The following GRIK4 variants were observed in gnomAD, a reference collection of about 807,000 sequenced individuals.
GRIK4 encodes glutamate ionotropic receptor kainate type subunit 4, also known as glutamate receptor ionotropic, kainate 4.
In GRIK4, 40 loss-of-function variants were observed where a neutral mutation model predicts 104.9. The ratio of observed to expected loss-of-function variants is 0.38; its 90% CI spans 0.30 to 0.50. The LOEUF (loss-of-function observed/expected upper bound fraction) is 0.50, where lower values mean the gene tolerates loss of function less well. Ranked by LOEUF, GRIK4 falls within the 20% of genes least tolerant of loss-of-function variation. The probability of loss-of-function intolerance (pLI) is 0.93; values close to 1 mark genes in which losing one functional copy is unlikely to be tolerated. For missense variants in GRIK4, 1,047 were observed against 1,308.1 expected (o/e 0.80, Z 3.08); for synonymous variants, 485 against 524.9 (o/e 0.92, Z 1.04).
At chr11:120,887,233 C>G (rs1955146716) in intron 11 of GRIK4, among the ~76,000 whole-genome samples, 1 of 152,166 alleles carries the variant, frequency 6.6e-6, no homozygotes, top group Non-Finnish European at 1.5e-5. Context: ...TTCCTTGTAT[C>G]CCTCACATCA....
At position 120,903,278 on chromosome 11, in the gene GRIK4, G is replaced by C. The variant is rs1303378765; in HGVS notation, c.1273-2012G>C. On this transcript the variant is annotated intron_variant, in intron 12 of 20. Transcript: ENST00000527524. The surrounding 1 kb of genome is among the most constrained non-coding windows in gnomAD (Gnocchi z 4.4). ...TAATCCCTGAGCCCAGCTCTCCTCT[G>C]TCCCTGTCGCATCCCCTGAGCGGCT... 6.6e-6 allele frequency among the ~76,000 whole-genome samples: 1 copy of C among 152,020 alleles called. No individual in the cohort carries two copies. The highest frequency in any genetic ancestry group is 1.9e-4 in the East Asian group (1 of 5,186).
intron 19 of GRIK4, among the ~76,000 whole-genome samples, chr11:120,976,506 T>C (rs1033923951): frequency 1.6e-4 from 25 of 152,206 alleles, no homozygotes; most frequent in African/African-American, 6.0e-4. Flanking sequence ...TCCCTGGAGA[T>C]CGGACTATTT....
intron 3 of GRIK4, among the ~76,000 whole-genome samples, chr11:120,764,359 C>G (rs745488525): frequency 1.3e-4 from 20 of 152,262 alleles, no homozygotes; most frequent in Non-Finnish European, 2.8e-4. Flanking sequence ...GATGGGTCTC[C>G]TGAATACAGC....
chr11:120,537,316 C>G (rs1425873728), intron 1 of GRIK4, among the ~76,000 whole-genome samples: 4 of 152,222 alleles, frequency 2.6e-5, no homozygotes, highest in Middle Eastern at 3.4e-3. Flanking sequence ...AGCATGAGAG[C>G]CTTGGGGTTG....
At chr11:120,807,617 C>T (rs773513230) in intron 4 of GRIK4, among the ~76,000 whole-genome samples, 3 of 152,152 alleles carry the variant, frequency 2.0e-5, no homozygotes, top group Non-Finnish European at 4.4e-5. Flanking sequence ...GGGCTAGCAT[C>T]CCTCCTTCAG....
At chr11:120,804,864 G>A (rs1016175851) in intron 4 of GRIK4, among the ~76,000 whole-genome samples, 2 of 152,146 alleles carry the variant, frequency 1.3e-5, no homozygotes, top group African/African-American at 4.8e-5. Flanking sequence ...TGGAGAGAGG[G>A]TCTACTCCCA....
At chr11:120,846,438 GGGAGTTT>G (rs759873956) in intron 8 of GRIK4, among the ~76,000 whole-genome samples, 3 of 152,182 alleles carry the variant, frequency 2.0e-5, no homozygotes, top group Non-Finnish European at 4.4e-5. Context: ...GTTCTTCTTT[GGGAGTTT>G]GGATGAGGGT....
chr11:120,874,237 C>T lies in GRIK4; in HGVS notation c.1059+19C>T. 1 of 1,599,960 alleles carries T rather than the reference C, an allele frequency of 6.3e-7. No individual in the cohort carries two copies. ...GCGCATGGTGAGGAGCGGCTGAGGCCCTGCAGGGCTGTGCCCAGGCTAGTG... is the reference window on the plus strand; with the variant it reads ...GCGCATGGTGAGGAGCGGCTGAGGCTCTGCAGGGCTGTGCCCAGGCTAGTG... On this transcript the variant is annotated intron_variant, in intron 10 of 20. Transcript: ENST00000527524.
chr11:120,780,716 T>G (rs189452668), intron 3 of GRIK4, among the ~76,000 whole-genome samples: 30 of 152,220 alleles, frequency 2.0e-4, no homozygotes, highest in South Asian at 8.3e-4. Context: ...CCGGGGTTTT[T>G]TTTGTTTGTT....
At chr11:120,665,264 G>A (rs1169175757) in intron 3 of GRIK4, among the ~76,000 whole-genome samples, 1 of 151,542 alleles carries the variant, frequency 6.6e-6, no homozygotes, top group Non-Finnish European at 1.5e-5. Context: ...TTTGAGCAGT[G>A]GGCTCCTCTG....
At chr11:120,817,981 T>C (rs1953005107) in intron 5 of GRIK4, among the ~76,000 whole-genome samples, 1 of 152,248 alleles carries the variant, frequency 6.6e-6, no homozygotes, top group Admixed American at 6.5e-5. Context: ...GAAGCACCTG[T>C]GGTTATCTCC....
chr11:120,718,965 G>A (rs2846107), intron 3 of GRIK4, among the ~76,000 whole-genome samples: 11,916 of 152,250 alleles, frequency 0.078, 509 homozygotes, highest in Non-Finnish European at 0.1. Flanking sequence ...AAAGAAGGTG[G>A]CCCTCCCCTT....
chr11:120,664,108 G>T (rs1416263337), intron 3 of GRIK4, among the ~76,000 whole-genome samples: 1 of 152,284 alleles, frequency 6.6e-6, no homozygotes, highest in Middle Eastern at 3.4e-3. Flanking sequence ...ATGAATCCAT[G>T]GTTCTTGCAA....
chr11:120,578,704 T>C (rs186221055), intron 1 of GRIK4, among the ~76,000 whole-genome samples: 2 of 152,346 alleles, frequency 1.3e-5, no homozygotes, highest in African/African-American at 4.8e-5. Flanking sequence ...CCTTGGGAGC[T>C]GGAGTCAGGC....
chr11:120,554,378 G>A (rs1948167875), intron 1 of GRIK4, among the ~76,000 whole-genome samples: 1 of 152,148 alleles, frequency 6.6e-6, no homozygotes, highest in African/African-American at 2.4e-5. Flanking sequence ...TCAGGCCTCA[G>A]CATTGGATGA....
chr11:120,562,508 G>T (rs1948251819), intron 1 of GRIK4, among the ~76,000 whole-genome samples: 1 of 152,216 alleles, frequency 6.6e-6, no homozygotes, highest in South Asian at 2.1e-4. Context: ...CCAACCAGAG[G>T]AAGAAGGGGA....
At chr11:120,962,199 A>G (rs921137755) in intron 17 of GRIK4, among the ~76,000 whole-genome samples, 1 of 152,164 alleles carries the variant, frequency 6.6e-6, no homozygotes, top group Non-Finnish European at 1.5e-5. Context: ...CCAATGACCA[A>G]ATCAGGACCT....
chr11:120,658,850 G>A (rs981952511), intron 2 of GRIK4, among the ~76,000 whole-genome samples: 4 of 137,938 alleles, frequency 2.9e-5, no homozygotes, highest in Non-Finnish European at 4.6e-5. Context: ...CCCGGTTCAC[G>A]CCATTCTCCT....
rs546261766 is a variant in GRIK4 at position 120,556,862 on chromosome 11, C to T, written c.-159+44975C>T. Among the ~76,000 whole-genome samples the T allele has an allele frequency of 1.1e-4, 16 of 152,282 alleles. No individual in the cohort carries two copies. In the South Asian group the frequency reaches 1.5e-3, roughly 14 times the overall value. ...TCTATGTCAGTTGAGCTCAACTCTG[C>T]GCGGGGCCTCTCATTCCTCCTCATT... On this transcript the variant is annotated intron_variant, in intron 1 of 20. Transcript: ENST00000527524.
Sources: allele counts gnomAD v4.1 joint callset (sites outside exome capture counted in the v4.1 genomes callset), GRCh38; gene constraint gnomAD v4.1.1; non-coding constraint Gnocchi (gnomAD v3.1); transcripts MANE v1.5; gene names NCBI Gene and HGNC (gene_info 2026-07-23, HGNC 2026-07-21).